Variants in KSR2 observed in about 807,000 individuals in gnomAD.
KSR2 encodes the protein kinase suppressor of ras 2.
A neutral mutation model predicts 107.8 loss-of-function variants in KSR2; 25 were observed. The ratio of observed to expected loss-of-function variants is 0.23; its 90% CI spans 0.17 to 0.32. KSR2 has a LOEUF of 0.32. Among genes scored for constraint, KSR2 ranks in the 10% least tolerant of loss-of-function variants. The pLI, the probability that KSR2 is intolerant of heterozygous loss-of-function variation, is 1.00. For synonymous variants in KSR2, 480 were observed against 507.0 expected (o/e 0.95, Z 0.71); for missense variants, 887 against 1,268.9 (o/e 0.70, Z 4.57).
intron 4 of KSR2, among the ~76,000 whole-genome samples, chr12:117,724,073 G>T (rs777039202): frequency 1.3e-5 from 2 of 152,116 alleles, no homozygotes; most frequent in Non-Finnish European, 2.9e-5. Flanking sequence ...TTGGGAGACT[G>T]AGGTGGGCGA....
chr12:117,554,088 C>T (rs746026691), intron 9 of KSR2, among the ~76,000 whole-genome samples: 4 of 152,132 alleles, frequency 2.6e-5, no homozygotes, highest in Admixed American at 6.5e-5. Context: ...CATCTACCTT[C>T]GACATAATGC....
intron 5 of KSR2, among the ~76,000 whole-genome samples, chr12:117,605,958 C>T (rs1051862190): frequency 2.6e-5 from 4 of 151,998 alleles, no homozygotes; most frequent in African/African-American, 7.2e-5. Flanking sequence ...ATTCCAGAAA[C>T]GAGAAAAAGA....
chr12:117,881,357 C>T (rs1009642295), intron 1 of KSR2, among the ~76,000 whole-genome samples: 4 of 152,066 alleles, frequency 2.6e-5, no homozygotes, highest in East Asian at 3.9e-4. Flanking sequence ...CACTACAGAC[C>T]GGCCACTCCA....
chr12:117,938,908 T>C (rs750336023), intron 1 of KSR2, among the ~76,000 whole-genome samples: 1 of 151,500 alleles, frequency 6.6e-6, no homozygotes, highest in Non-Finnish European at 1.5e-5. Flanking sequence ...TTGTTAAGAG[T>C]GGACTGGACT....
intron 3 of KSR2, among the ~76,000 whole-genome samples, chr12:117,833,557 C>T (rs1566038273): frequency 1.3e-5 from 2 of 152,116 alleles, no homozygotes; most frequent in African/African-American, 4.8e-5. Flanking sequence ...GAGAAGTGGT[C>T]TTGCTATGTT....
Position 117,667,643 on chromosome 12 carries a change from G to A in KSR2, c.1002C>T (p.Ser334=). Reference sequence around the variant, plus strand: ...TGTGGATCTTGAGGTTCAAGGGTTTGCTCTTCTTCTTGGCTCTGAAAGGGA... The same window carrying A: ...TGTGGATCTTGAGGTTCAAGGGTTTACTCTTCTTCTTGGCTCTGAAAGGGA... The part of the protein sequence containing the change: ...EAHTPKAKKK[S]KPLNLKIHSS... The change falls in exon 5 of 20, where the codon AGC becomes AGT. Residue 334 remains serine, a synonymous_variant. Transcript: ENST00000339824. 1 of 1,587,238 alleles carries A rather than the reference G, an allele frequency of 6.3e-7. No homozygotes were observed. The highest frequency in any genetic ancestry group is 8.6e-7 in the Non-Finnish European group (1 of 1,168,068).
rs138366285 is a variant in KSR2 at position 117,873,331 on chromosome 12, G to A, written c.181-12900C>T. On this transcript the variant is annotated intron_variant, in intron 1 of 19. Coordinates refer to ENST00000339824, the MANE Select transcript of KSR2 (RefSeq NM_173598.6). ...TACACTCCAGCTTGGGCACCAGAGC[G>A]AGATTCTGTCTCAAAAGAAAAAAAA... is the stretch of plus-strand genomic sequence containing the variant. Among the ~76,000 whole-genome samples the A allele has an allele frequency of 1.0e-4, 14 of 138,918 alleles. 1 individual carries two copies. The East Asian group carries it at 2.7e-3, about 27-fold the overall frequency. The allele number at this position is 138,918 out of a possible 152,430, so 91.1% of individuals were successfully genotyped here.
intron 3 of KSR2, among the ~76,000 whole-genome samples, chr12:117,788,206 TCTC>T (rs1422993222): frequency 2.0e-5 from 3 of 152,084 alleles, no homozygotes; most frequent in Admixed American, 2.0e-4. Flanking sequence ...GTTACCAAGA[TCTC>T]CTCTGAAACA....
intron 3 of KSR2, among the ~76,000 whole-genome samples, chr12:117,814,829 C>A (rs566194638): frequency 6.6e-6 from 1 of 152,232 alleles, no homozygotes; most frequent in Non-Finnish European, 1.5e-5. Flanking sequence ...ATACAAATTT[C>A]CAGGCTCTAG....
At chr12:117,640,232 CTTTT>C (rs1335408156) in intron 5 of KSR2, among the ~76,000 whole-genome samples, 1 of 111,776 alleles carries the variant, frequency 8.9e-6, no homozygotes, top group East Asian at 2.3e-4. Flanking sequence ...CAATGAAGCT[CTTTT>C]TTTTTCTTTT....
Position 117,893,751 on chromosome 12 carries a change from TCAAGGCCAAGAATAC to T in KSR2, c.181-33335_181-33321del, listed in dbSNP as rs1429860045. ...CACAATATCTGGGAGAGAGGTAAAA[TCAAGGCCAAGAATAC>T]GGTAAGGAGAGTGAGGCATTCACTT... On this transcript the variant is annotated intron_variant, in intron 1 of 19. Coordinates refer to ENST00000339824, the MANE Select transcript of KSR2 (RefSeq NM_173598.6). Among the ~76,000 whole-genome samples, 3 of 152,194 alleles carry T rather than the reference TCAAGGCCAAGAATAC, an allele frequency of 2.0e-5. No homozygotes were observed. The East Asian group carries it at 5.8e-4, about 29-fold the overall frequency.
chr12:117,641,896 C>G (rs530651523), intron 5 of KSR2, among the ~76,000 whole-genome samples: 22 of 152,314 alleles, frequency 1.4e-4, no homozygotes, highest in Non-Finnish European at 2.1e-4. Context: ...CCACCCACCT[C>G]TCCAGTCCCA....
At chr12:117,933,792 A>G (rs1043542626) in intron 1 of KSR2, among the ~76,000 whole-genome samples, 1 of 152,130 alleles carries the variant, frequency 6.6e-6, no homozygotes, top group Non-Finnish European at 1.5e-5. Flanking sequence ...TCCTCCCAGT[A>G]TCCTGTGGCT....
rs571872707 is a variant in KSR2 at position 117,527,141 on chromosome 12, C to A, written c.1803-22G>T. ...CAAGCTGTAAAGAAAGAAAAATAAA[C>A]GTGATCCCTAGGTGAAAAGGCAGGT... On this transcript the variant is annotated intron_variant, in intron 12 of 19. Coordinates refer to ENST00000339824, the MANE Select transcript of KSR2 (RefSeq NM_173598.6). 3 of 1,592,690 alleles carry A rather than the reference C, an allele frequency of 1.9e-6. No individual in the cohort carries two copies. The African/African-American group carries it at 4.0e-5, about 21-fold the overall frequency.
At chr12:117,570,678 G>A (rs937412582) in intron 7 of KSR2, among the ~76,000 whole-genome samples, 3 of 152,174 alleles carry the variant, frequency 2.0e-5, no homozygotes, top group African/African-American at 7.2e-5. Context: ...GCTGAACAAC[G>A]TATTTAAAGA....
intron 4 of KSR2, among the ~76,000 whole-genome samples, chr12:117,747,588 C>A (rs1439377729): frequency 7.1e-6 from 1 of 141,226 alleles, no homozygotes; most frequent in African/African-American, 2.7e-5. Context: ...TATCCCGGAA[C>A]TTAAAATAAA....
chr12:117,519,679 G>A (rs1874613078), intron 14 of KSR2, among the ~76,000 whole-genome samples: 2 of 152,144 alleles, frequency 1.3e-5, no homozygotes, highest in Non-Finnish European at 2.9e-5. Context: ...GATAGAGTGT[G>A]TGCATTTCTT....
At chr12:117,836,497 A>G (rs1022562288) in intron 3 of KSR2, among the ~76,000 whole-genome samples, 1 of 152,170 alleles carries the variant, frequency 6.6e-6, no homozygotes, top group Admixed American at 6.5e-5. Flanking sequence ...AGGCAAAAGC[A>G]CACATCACCT....
At chr12:117,476,343 A>T (rs1871778755) in intron 17 of KSR2, 121 bp downstream of exon 17, 1 of 1,271,220 alleles carries the variant, frequency 7.9e-7, no homozygotes, top group Non-Finnish European at 1.0e-6. Context: ...TCACCCAAAA[A>T]TCCAGCCACT....
Sources: gnomAD v4.1 joint callset for allele counts (sites outside exome capture counted in the v4.1 genomes callset) on GRCh38, gnomAD v4.1.1 for gene constraint, MANE v1.5 for transcripts, NCBI Gene and HGNC (gene_info 2026-07-23, HGNC 2026-07-21) for gene names.